Variants in ARID1B observed in about 807,000 individuals in gnomAD.
ARID1B encodes the protein AT-rich interactive domain-containing protein 1B.
A neutral mutation model predicts 212.3 loss-of-function variants in ARID1B; 30 were observed. That is an observed-to-expected ratio of 0.14 (90% CI 0.11 to 0.19). ARID1B has a LOEUF of 0.19. ARID1B is among the 10% of genes least tolerant of loss of function. ARID1B has a pLI of 1.00. For synonymous variants in ARID1B, 1,402 were observed against 1,301.7 expected (o/e 1.08, Z -1.66); for missense variants, 2,891 against 3,204.0 (o/e 0.90, Z 2.36).
chr6:156,814,051 A>T (rs565550601), intron 1 of ARID1B, among the ~76,000 whole-genome samples: 1 of 152,354 alleles, frequency 6.6e-6, no homozygotes, highest in South Asian at 2.1e-4. Context: ...ATAATAGAGT[A>T]AATTTACAAG....
chr6:156,969,370 T>G (rs1459220064), intron 4 of ARID1B, among the ~76,000 whole-genome samples: 3 of 152,186 alleles, frequency 2.0e-5, no homozygotes, highest in African/African-American at 7.2e-5. Flanking sequence ...GGTGGTTCCC[T>G]GTTCAGCCGT....
At chr6:157,042,241 T>C (rs999373276) in intron 4 of ARID1B, among the ~76,000 whole-genome samples, 4 of 152,250 alleles carry the variant, frequency 2.6e-5, no homozygotes, top group Non-Finnish European at 5.9e-5. Context: ...GTGTATTTCC[T>C]GGGGTAAATT....
rs140377381 is a variant in ARID1B, at chr6:156,914,747, A to C, written c.2136+13222A>C. Among the ~76,000 whole-genome samples, 667 of 152,328 alleles carry C rather than the reference A, an allele frequency of 4.4e-3. 6 individuals carry two copies. The highest frequency in any genetic ancestry group is 0.015 in the African/African-American group (623 of 41,554). On this transcript the variant is annotated intron_variant, in intron 3 of 19. Coordinates refer to ENST00000636930, the MANE Select transcript of ARID1B (RefSeq NM_001374828.1). ...ATGCCCAACAGGCTTTGGAAAATCAACATATCCAAAGCGGGCCTCTGGCCA... is the reference window on the plus strand; with the variant it reads ...ATGCCCAACAGGCTTTGGAAAATCACCATATCCAAAGCGGGCCTCTGGCCA...
chr6:156,925,217 A>G (rs1211201118), intron 3 of ARID1B, among the ~76,000 whole-genome samples: 4 of 152,178 alleles, frequency 2.6e-5, no homozygotes, highest in African/African-American at 4.8e-5. Context: ...CCTTGTTTAC[A>G]TGGGTGTCCT....
chr6:156,862,168 G>C (rs1201051909), intron 2 of ARID1B, among the ~76,000 whole-genome samples: 1 of 152,246 alleles, frequency 6.6e-6, no homozygotes, highest in Non-Finnish European at 1.5e-5. Flanking sequence ...ATGGTGAAGA[G>C]AGACATTTGA....
intron 1 of ARID1B, among the ~76,000 whole-genome samples, chr6:156,805,826 C>T (rs767433746): frequency 2.6e-5 from 4 of 152,114 alleles, no homozygotes; most frequent in African/African-American, 7.2e-5. Context: ...CAGATGCGCA[C>T]TGCCACAACC....
chr6:156,782,100 T>TC (rs1459803652), intron 1 of ARID1B, among the ~76,000 whole-genome samples: 1 of 148,772 alleles, frequency 6.7e-6, no homozygotes. Context: ...TTTTTTACAA[T>TC]CCTTTTTTTT....
chr6:157,154,060 G>T (rs1790385751), intron 8 of ARID1B, among the ~76,000 whole-genome samples: 1 of 152,192 alleles, frequency 6.6e-6, no homozygotes, highest in Non-Finnish European at 1.5e-5. Context: ...ATTAGTCCTA[G>T]ATGGTACCTG....
chr6:157,030,630 C>G lies in ARID1B; in HGVS notation c.2248-54032C>G, dbSNP rs190211090. ...AGGGTGTGACCACAGTGCTGACTGA[C>G]TTTGTTTTAAATTTAACAGCCTTGA... On this transcript the variant is annotated intron_variant, in intron 4 of 19. Coordinates refer to ENST00000636930, the MANE Select transcript of ARID1B (RefSeq NM_001374828.1). Among the ~76,000 whole-genome samples the G allele has an allele frequency of 2.6e-3, 393 of 152,302 alleles. 2 individuals carry two copies. Among genetic ancestry groups the G allele is most frequent in the African/African-American group, 8.8e-3 (366 of 41,552 alleles).
At chr6:156,930,304 G>A (rs529491582) in intron 3 of ARID1B, among the ~76,000 whole-genome samples, 3 of 152,066 alleles carry the variant, frequency 2.0e-5, no homozygotes, top group Non-Finnish European at 4.4e-5. Flanking sequence ...AAAGTGTGTA[G>A]CACCTCCCTG....
intron 15 of ARID1B, among the ~76,000 whole-genome samples, chr6:157,191,222 G>A (rs1346264770): frequency 3.3e-5 from 5 of 151,902 alleles, no homozygotes; most frequent in Non-Finnish European, 5.9e-5. Context: ...AACTGGAGCC[G>A]GACACCAGCA....
At chr6:157,160,764 T>G (rs1790877214) in intron 8 of ARID1B, among the ~76,000 whole-genome samples, 2 of 152,244 alleles carry the variant, frequency 1.3e-5, no homozygotes, top group African/African-American at 4.8e-5. Context: ...GAGGGCCTCC[T>G]GGATGCCCCA....
intron 6 of ARID1B, among the ~76,000 whole-genome samples, chr6:157,118,534 G>C (rs995388638): frequency 2.6e-4 from 39 of 152,226 alleles, no homozygotes; most frequent in African/African-American, 9.2e-4. Context: ...TCTTTGTGAT[G>C]TGTGAAAGAT....
intron 3 of ARID1B, among the ~76,000 whole-genome samples, chr6:156,928,290 G>T (rs1791404299): frequency 6.6e-6 from 1 of 152,216 alleles, no homozygotes; most frequent in African/African-American, 2.4e-5. Flanking sequence ...CGCAGTGCAG[G>T]TGTCTGCCAT....
Position 157,096,749 on chromosome 6 carries a change from C to T in ARID1B, c.2491+11844C>T, listed in dbSNP as rs142935099. ...CGCCTGGACCTCCCAGTTCTAGCCT[C>T]GTGCTGGAGAGGTCTGCTCTCCCCC... On this transcript the variant is annotated intron_variant, in intron 5 of 19. Coordinates refer to ENST00000636930, the MANE Select transcript of ARID1B (RefSeq NM_001374828.1). Among the ~76,000 whole-genome samples the T allele has an allele frequency of 1.1e-3, 167 of 152,342 alleles. 3 individuals are homozygous for T. In the East Asian group the frequency reaches 0.017, roughly 15 times the overall value.
At chr6:156,939,826 A>T (rs1792531463) in intron 4 of ARID1B, 1 of 152,220 alleles carries the variant, frequency 6.6e-6, no homozygotes, top group Non-Finnish European at 1.5e-5. Context: ...GTTCTTAGTA[A>T]TACATCTTTT....
At chr6:156,995,839 G>T (rs2128416152) in intron 4 of ARID1B, among the ~76,000 whole-genome samples, 1 of 152,236 alleles carries the variant, frequency 6.6e-6, no homozygotes, top group East Asian at 1.9e-4. Context: ...GATAAACAAG[G>T]AATAATTTCC....
At chr6:156,978,201 A>G (rs1777383673) in intron 4 of ARID1B, among the ~76,000 whole-genome samples, 2 of 152,114 alleles carry the variant, frequency 1.3e-5, no homozygotes, top group Non-Finnish European at 2.9e-5. Flanking sequence ...TCTGATTCCC[A>G]GCTCCATTTC....
At chr6:157,116,962 A>T (rs1787359228) in intron 6 of ARID1B, among the ~76,000 whole-genome samples, 1 of 152,186 alleles carries the variant, frequency 6.6e-6, no homozygotes, top group South Asian at 2.1e-4. Context: ...AAAATAGATA[A>T]CAAAATTTTG....
Sources: gnomAD v4.1 joint callset for allele counts (sites outside exome capture counted in the v4.1 genomes callset) on GRCh38, gnomAD v4.1.1 for gene constraint, MANE v1.5 for transcripts, NCBI Gene and HGNC (gene_info 2026-07-23, HGNC 2026-07-21) for gene names.